The following SOX5 variants were observed in gnomAD, a reference collection of about 807,000 sequenced individuals.
The protein encoded by SOX5 is SRY-box transcription factor 5.
SOX5 carries 9 observed loss-of-function variants against 92.0 expected under a neutral mutation model. The ratio of observed to expected loss-of-function variants is 0.10; its 90% CI spans 0.06 to 0.17. SOX5 has a LOEUF of 0.17. SOX5 is among the 10% of genes least tolerant of loss of function. The pLI, the probability that SOX5 is intolerant of heterozygous loss-of-function variation, is 1.00. For missense variants in SOX5, 642 were observed against 944.5 expected (o/e 0.68, Z 4.20); for synonymous variants, 344 against 336.3 (o/e 1.02, Z -0.25).
rs78032673 is a variant in SOX5, at chr12:23,626,593, A to G, written c.1017+14219T>C. ...TGATAGCACATGAATAAATGTGTCC[A>G]TGAATCAGGAAAGTCCACTCACAAG... On this transcript the variant is annotated intron_variant, in intron 8 of 14. Coordinates refer to ENST00000451604, the MANE Select transcript of SOX5 (RefSeq NM_006940.6). Among the ~76,000 whole-genome samples the G allele has an allele frequency of 9.0e-3, 1,354 of 151,256 alleles. 11 individuals are homozygous for G. The highest frequency in any genetic ancestry group is 0.031 in the African/African-American group (1,287 of 41,192).
intron 6 of SOX5, among the ~76,000 whole-genome samples, chr12:23,690,306 A>C (rs2088526668): frequency 6.6e-6 from 1 of 152,228 alleles, no homozygotes; most frequent in South Asian, 2.1e-4. Flanking sequence ...AAACGGCCAT[A>C]AGTGGCAGTG....
chr12:24,375,462 C>T lies in SOX5; in HGVS notation c.-250-6823G>A, dbSNP rs531876240. ...TCAGAAGCGAGAATAAGGCCGGGTG[C>T]GGTGGCTCACGCCTGTAATCTTAGC... On this transcript the variant is annotated intron_variant, in intron 1 of 4. Transcript: ENST00000446891. Among the ~76,000 whole-genome samples, 280 of 151,840 alleles carry T rather than the reference C, an allele frequency of 1.8e-3. 1 individual carries two copies. Among genetic ancestry groups the T allele is most frequent in the African/African-American group, 5.9e-3 (245 of 41,436 alleles).
chr12:23,853,261 C>T (rs2096652647), intron 2 of SOX5, among the ~76,000 whole-genome samples: 5 of 150,988 alleles, frequency 3.3e-5, no homozygotes, highest in Admixed American at 3.3e-4. Flanking sequence ...CTCAGATTTC[C>T]TAATTCACAA....
At chr12:23,982,574 G>C (rs1949672921) in intron 4 of SOX5, among the ~76,000 whole-genome samples, 5 of 152,110 alleles carry the variant, frequency 3.3e-5, no homozygotes, top group Admixed American at 3.3e-4. Context: ...TTTGGTGACT[G>C]AGATTCCTTG....
In SOX5 at chr12:23,825,177, G is replaced by A. The variant is rs546960091; in HGVS notation, c.481+20806C>T. Among the ~76,000 whole-genome samples, 21 of 152,282 alleles carry A rather than the reference G, an allele frequency of 1.4e-4. No individual in the cohort carries two copies. The South Asian group carries it at 3.9e-3, about 29-fold the overall frequency. ...CAGCTAGCTCAGTGCCTGCCCAAAC[G>A]GCTGTCCAGCTTTGTGCTTGAAACC... is the stretch of plus-strand genomic sequence containing the variant. On this transcript the variant is annotated intron_variant, in intron 3 of 14. Transcript: ENST00000451604.
At chr12:23,704,966 T>A (rs373140674) in intron 6 of SOX5, among the ~76,000 whole-genome samples, 2 of 151,758 alleles carry the variant, frequency 1.3e-5, no homozygotes, top group East Asian at 3.9e-4. Flanking sequence ...AGACAGATGT[T>A]ACTTGAATAT....
chr12:23,977,451 C>T (rs565982183), intron 4 of SOX5, among the ~76,000 whole-genome samples: 1 of 152,280 alleles, frequency 6.6e-6, no homozygotes, highest in East Asian at 1.9e-4. Flanking sequence ...TGGCAAATCT[C>T]TTGAGGCCAG....
At chr12:23,760,201 A>G (rs1197315576) in intron 3 of SOX5, among the ~76,000 whole-genome samples, 7 of 152,220 alleles carry the variant, frequency 4.6e-5, no homozygotes, top group African/African-American at 1.7e-4. Flanking sequence ...TGCCAGATAC[A>G]ATTTTGTCAG....
intron 4 of SOX5, among the ~76,000 whole-genome samples, chr12:24,083,140 C>A (rs145537311): frequency 1.3e-5 from 2 of 151,894 alleles, no homozygotes; most frequent in African/African-American, 4.8e-5. Flanking sequence ...CCTAATCAAA[C>A]GGCTGATAAT....
chr12:24,276,801 T>G (rs952062105), intron 3 of SOX5, among the ~76,000 whole-genome samples: 2 of 152,136 alleles, frequency 1.3e-5, no homozygotes, highest in Non-Finnish European at 2.9e-5. Flanking sequence ...GAATACTTAA[T>G]AGCCTATAGA....
intron 3 of SOX5, among the ~76,000 whole-genome samples, chr12:24,219,675 A>T (rs1290610070): frequency 6.6e-6 from 1 of 152,114 alleles, no homozygotes; most frequent in African/African-American, 2.4e-5. Flanking sequence ...CTCTCTGTTT[A>T]GTTAAAACAT....
chr12:24,557,322 A>T (rs1300427608), intron 1 of SOX5, among the ~76,000 whole-genome samples: 1 of 149,964 alleles, frequency 6.7e-6, no homozygotes, highest in Non-Finnish European at 1.5e-5. Flanking sequence ...CAGGAGGCGG[A>T]GGGTTCAACA....
intron 1 of SOX5, among the ~76,000 whole-genome samples, chr12:24,464,929 G>A (rs539745822): frequency 1.3e-5 from 2 of 152,324 alleles, no homozygotes; most frequent in East Asian, 3.9e-4. Context: ...AGGCATTTAG[G>A]TTGTAGAACT....
chr12:23,729,817 A>C (rs2140815334), intron 6 of SOX5, among the ~76,000 whole-genome samples: 1 of 152,332 alleles, frequency 6.6e-6, no homozygotes. Context: ...TCATGCTAGA[A>C]CGCATTGTCG....
chr12:23,869,453 A>C (rs781208510), intron 2 of SOX5, among the ~76,000 whole-genome samples: 20 of 152,046 alleles, frequency 1.3e-4, no homozygotes, highest in Non-Finnish European at 2.9e-4. Flanking sequence ...TAAATATCTT[A>C]GTTTTTAGGA....
rs149130729 is a variant in SOX5 at position 23,733,796 on chromosome 12, A to G, written c.810+888T>C. Reference sequence around the variant, plus strand: ...AGATATAACTTCAAGAGAATCATGAATTTCTCTCCAGATTAGCATACTGCA... The same window carrying G: ...AGATATAACTTCAAGAGAATCATGAGTTTCTCTCCAGATTAGCATACTGCA... On this transcript the variant is annotated intron_variant, in intron 6 of 14. Coordinates refer to ENST00000451604, the MANE Select transcript of SOX5 (RefSeq NM_006940.6). 1.3e-4 allele frequency among the ~76,000 whole-genome samples: 20 copies of G among 152,260 alleles called. 1 individual carries two copies. Among genetic ancestry groups the G allele is most frequent in the African/African-American group, 4.8e-4 (20 of 41,576 alleles).
chr12:23,892,393 C>A (rs990711481), intron 2 of SOX5, among the ~76,000 whole-genome samples: 1 of 152,100 alleles, frequency 6.6e-6, no homozygotes, highest in Non-Finnish European at 1.5e-5. Flanking sequence ...GGCATTGTGT[C>A]CACAGTAGGA....
intron 14 of SOX5, 33 bp downstream of exon 14, chr12:23,536,420 G>GC (rs982315983): frequency 6.6e-7 from 1 of 1,525,654 alleles, no homozygotes; most frequent in African/African-American, 1.4e-5. Context: ...CAGGAAGTTT[G>GC]CCCCATGAGA....
At chr12:24,003,037 T>C (rs1951772422) in intron 4 of SOX5, among the ~76,000 whole-genome samples, 1 of 152,064 alleles carries the variant, frequency 6.6e-6, no homozygotes, top group Non-Finnish European at 1.5e-5. Flanking sequence ...TAATACACCA[T>C]ATTAATAGAA....
Sources: gnomAD v4.1 joint callset for allele counts (sites outside exome capture counted in the v4.1 genomes callset) on GRCh38, gnomAD v4.1.1 for gene constraint, MANE v1.5 for transcripts, NCBI Gene and HGNC (gene_info 2026-07-23, HGNC 2026-07-21) for gene names.